The following PCDHA13 variants were observed in gnomAD, a reference collection of about 807,000 sequenced individuals.
PCDHA13 encodes protocadherin alpha-13.
PCDHA13 carries 54 observed loss-of-function variants against 64.8 expected under a neutral mutation model. That is an observed-to-expected ratio of 0.83 (90% CI 0.67 to 1.04). The LOEUF (loss-of-function observed/expected upper bound fraction) is 1.04, where lower values mean the gene tolerates loss of function less well. Among genes scored for constraint, PCDHA13 ranks in the 50% least tolerant of loss-of-function variants. The pLI, the probability that PCDHA13 is intolerant of heterozygous loss-of-function variation, is 0.00. For missense variants in PCDHA13, 1,248 were observed against 1,254.3 expected, an observed-to-expected ratio of 0.99 and a Z score of 0.08; for synonymous variants, 587 against 564.4, an observed-to-expected ratio of 1.04 and a Z score of -0.57.
At chr5:140,994,720 A>C (rs2097647295) in intron 3 of PCDHA13, among the ~76,000 whole-genome samples, 1 of 152,160 alleles carries the variant, frequency 6.6e-6, no homozygotes. Flanking sequence ...AAAATTTAAA[A>C]TACTGGGTAT....
chr5:140,946,080 A>T lies in PCDHA13; in HGVS notation c.2395-32869A>T, dbSNP rs74501731. ...GGGAGAAAATATTTGCAAACCACAG[A>T]TCTGATAAGGAGTTAACATACCAAA... On this transcript the variant is annotated intron_variant, in intron 1 of 3. Coordinates refer to ENST00000289272, the MANE Select transcript of PCDHA13 (RefSeq NM_018904.3). Among the ~76,000 whole-genome samples, 867 of 152,226 alleles carry T rather than the reference A, an allele frequency of 5.7e-3. 6 individuals carry two copies. Among genetic ancestry groups the T allele is most frequent in the African/African-American group, 0.02 (843 of 41,572 alleles).
chr5:140,964,305 A>T (rs1163722863), intron 1 of PCDHA13, among the ~76,000 whole-genome samples: 1 of 152,246 alleles, frequency 6.6e-6, no homozygotes, highest in African/African-American at 2.4e-5. Flanking sequence ...AATACCTACA[A>T]GGCCTAAAAC....
At chr5:140,996,386 C>G (rs574909973) in intron 3 of PCDHA13, among the ~76,000 whole-genome samples, 1 of 152,268 alleles carries the variant, frequency 6.6e-6, no homozygotes, top group South Asian at 2.1e-4. Flanking sequence ...GAAATAATGC[C>G]TCATAGAGTT....
intron 2 of PCDHA13, among the ~76,000 whole-genome samples, chr5:140,981,822 G>A (rs1229465317): frequency 6.6e-6 from 1 of 151,926 alleles, no homozygotes; most frequent in Non-Finnish European, 1.5e-5. Flanking sequence ...ATCTCTGCTT[G>A]CCTCTAAAGG....
rs373348994 is a variant in PCDHA13, at chr5:140,883,390, G to T, written c.1122G>T (p.Val374=). The T allele has an allele frequency of 2.5e-6, 4 of 1,614,050 alleles. No individual in the cohort carries two copies. The highest frequency in any genetic ancestry group is 4.5e-5 in the East Asian group (2 of 44,884). Residue 374 remains valine (V), a synonymous_variant, in exon 1 of 4, where the codon GTG becomes GTT. Transcript: ENST00000289272. ...QPSAIIALIS[V]SDRDSGSNGQ... ...GCGCCATTATTGCCCTAATCAGTGT[G>T]TCCGATCGTGACTCTGGCTCAAATG...
chr5:140,908,155 G>A (rs559304647), intron 1 of PCDHA13, among the ~76,000 whole-genome samples: 3 of 152,312 alleles, frequency 2.0e-5, no homozygotes, highest in East Asian at 3.9e-4. Flanking sequence ...TCCTAGGAAG[G>A]GGCTGTAGTG....
At chr5:140,920,411 T>G (rs533328116) in intron 1 of PCDHA13, among the ~76,000 whole-genome samples, 39 of 152,352 alleles carry the variant, frequency 2.6e-4, no homozygotes, top group Middle Eastern at 3.4e-3. Flanking sequence ...TTTAATCAGA[T>G]ACAGCTGTTC....
Position 140,898,113 on chromosome 5 carries a change from C to G in PCDHA13, c.2394+13451C>G, listed in dbSNP as rs369408845. 3.9e-5 allele frequency among the ~76,000 whole-genome samples: 6 copies of G among 151,952 alleles called. No individual in the cohort carries two copies. The East Asian group carries it at 1.2e-3, about 29-fold the overall frequency. ...AGCCCTTTGTCAGATGAGTAGGTTG[C>G]GAAAATTTTCTCCCATTTTGTAGGT... On this transcript the variant is annotated intron_variant, in intron 1 of 3. Coordinates refer to ENST00000289272, the MANE Select transcript of PCDHA13 (RefSeq NM_018904.3).
chr5:140,965,029 A>G (rs1252337885), intron 1 of PCDHA13, among the ~76,000 whole-genome samples: 2 of 152,178 alleles, frequency 1.3e-5, no homozygotes, highest in Non-Finnish European at 2.9e-5. Context: ...GGCTCCTTTA[A>G]CTGTCCGCTC....
intron 3 of PCDHA13, among the ~76,000 whole-genome samples, chr5:141,008,201 A>T (rs2098364434): frequency 6.6e-6 from 1 of 152,212 alleles, no homozygotes; most frequent in Admixed American, 6.5e-5. Context: ...TAATATAATG[A>T]ACTTGACATG....
At chr5:140,987,269 G>A (rs1442679377) in intron 3 of PCDHA13, among the ~76,000 whole-genome samples, 8 of 151,806 alleles carry the variant, frequency 5.3e-5, no homozygotes, top group African/African-American at 9.7e-5. Flanking sequence ...AATGGGACCC[G>A]GCAGTCTATG....
In PCDHA13 at chr5:140,882,941, A is replaced by G. The variant is rs2059372388; in HGVS notation, c.673A>G (p.Thr225Ala). 1 of 1,614,128 alleles carries G rather than the reference A, an allele frequency of 6.2e-7. No homozygotes were observed. Among genetic ancestry groups the G allele is most frequent in the African/African-American group, 1.3e-5 (1 of 74,958 alleles). Reference sequence around the variant, plus strand: ...TGGAGGTAAACCCGAGCTGACTGGCACAGTTCAGCTGCTCATCACGATTCT... The same window carrying G: ...TGGAGGTAAACCCGAGCTGACTGGCGCAGTTCAGCTGCTCATCACGATTCT... ...SDGGKPELTG[T>A]VQLLITILDV... The change falls in exon 1 of 4, where the codon ACA (threonine) becomes GCA (alanine). Residue 225 changes from threonine (T) to alanine (A), a missense_variant. Thr to Ala is a moderately conservative substitution (Grantham distance 58). Transcript: ENST00000289272.
intron 2 of PCDHA13, among the ~76,000 whole-genome samples, chr5:140,980,357 C>T (rs191882864): frequency 1.6e-3 from 239 of 152,238 alleles, no homozygotes; most frequent in Middle Eastern, 6.8e-3. Flanking sequence ...CTGGACTGGG[C>T]GCGGTGGCTC....
rs538891766 is a variant in PCDHA13 at position 140,931,784 on chromosome 5, A to G, written c.2394+47122A>G. The stretch of plus-strand genomic sequence containing the variant: ...TTTACTTCTTCCTGTTCAATTACCT[A>G]TTGATCTGATCTTAATTCTTTAGAA... On this transcript the variant is annotated intron_variant, in intron 1 of 3. Transcript: ENST00000289272. Among the ~76,000 whole-genome samples, 13 of 152,080 alleles carry G rather than the reference A, an allele frequency of 8.5e-5. No homozygotes were observed. In the East Asian group the frequency reaches 1.9e-3, roughly 23 times the overall value.
intron 1 of PCDHA13, among the ~76,000 whole-genome samples, chr5:140,897,779 G>T (rs1157810079): frequency 6.6e-6 from 1 of 152,138 alleles, no homozygotes; most frequent in Non-Finnish European, 1.5e-5. Flanking sequence ...CTTCCACAAT[G>T]GTTGAACTAG....
chr5:141,012,057 A>G lies in PCDHA13; in HGVS notation c.*2120A>G, dbSNP rs2098422809. 6.5e-6 allele frequency: 1 copy of G among 153,774 alleles called. No individual in the cohort carries two copies. Among genetic ancestry groups the G allele is most frequent in the African/African-American group, 2.4e-5 (1 of 41,454 alleles). The allele number at this position is 153,774 out of a possible 1,614,324, so 9.5% of individuals were successfully genotyped here. A position where few individuals can be genotyped will look rare whatever the true frequency, so the allele number is the denominator to read the frequency against. Reference sequence around the variant, plus strand: ...ATTGCATGGGGTAAAACTTGTTACCAACACATGTGAACCATTGCTACATTG... The same window carrying G: ...ATTGCATGGGGTAAAACTTGTTACCGACACATGTGAACCATTGCTACATTG... On this transcript the variant is annotated 3_prime_UTR_variant, in exon 4 of 4. Transcript: ENST00000289272.
intron 3 of PCDHA13, among the ~76,000 whole-genome samples, chr5:140,989,548 T>G (rs914557459): frequency 1.3e-5 from 2 of 152,166 alleles, no homozygotes; most frequent in Non-Finnish European, 2.9e-5. Flanking sequence ...TGTAATTCCT[T>G]TACGTTTTGT....
chr5:140,884,259 C>T lies in PCDHA13; in HGVS notation c.1991C>T (p.Thr664Met), dbSNP rs1554181391. Residue 664 changes from threonine (T) to methionine (M), a missense_variant, in exon 1 of 4, where the codon ACG (threonine) becomes ATG (methionine). By Grantham distance (81) the Thr-to-Met change is moderately conservative. Transcript: ENST00000289272. ...HGEPALTATA[T>M]VLLSLVESGQ... is the part of the protein sequence containing the mutation. ...GAGCCCGCGCTGACGGCCACGGCAA[C>T]GGTGCTGTTGTCGCTGGTGGAGAGC... The T allele has an allele frequency of 1.9e-6, 3 of 1,613,378 alleles. No individual in the cohort carries two copies. The highest frequency in any genetic ancestry group is 1.7e-5 in the Admixed American group (1 of 59,984).
In PCDHA13 at chr5:140,976,256, AAC is replaced by A. The variant is rs372931931; in HGVS notation, c.2395-2689_2395-2688del. On this transcript the variant is annotated intron_variant, in intron 1 of 3. Transcript: ENST00000289272. Reference sequence around the variant, plus strand: ...TGTCATTTCATGTAAATTTATTTAAAACACAGACTTTTGGCAAGGCACAGTGG... The same window carrying A: ...TGTCATTTCATGTAAATTTATTTAAAACAGACTTTTGGCAAGGCACAGTGG... Among the ~76,000 whole-genome samples the A allele has an allele frequency of 3.2e-3, 487 of 152,352 alleles. 7 individuals carry two copies. Among genetic ancestry groups the A allele is most frequent in the Middle Eastern group, 0.01 (3 of 294 alleles).
Sources: allele counts gnomAD v4.1 joint callset (sites outside exome capture counted in the v4.1 genomes callset), GRCh38; gene constraint gnomAD v4.1.1; transcripts MANE v1.5; gene names NCBI Gene and HGNC (gene_info 2026-07-23, HGNC 2026-07-21).